Variants in NAA50 observed in about 807,000 individuals in gnomAD.
NAA50 encodes the protein N-alpha-acetyltransferase 50, NatE catalytic subunit.
In NAA50, 7 loss-of-function variants were observed where a neutral mutation model predicts 20.7. The observed-to-expected ratio is 0.34, with a 90% confidence interval of 0.19 to 0.63. NAA50 has a LOEUF of 0.63. Ranked by LOEUF, NAA50 falls within the 30% of genes least tolerant of loss-of-function variation. NAA50 has a pLI of 0.75. For missense variants in NAA50, 111 were observed against 199.1 expected, an observed-to-expected ratio of 0.56 and a Z score of 2.66; for synonymous variants, 54 against 70.6, an observed-to-expected ratio of 0.77 and a Z score of 1.18.
At chr3:113,738,432 A>G (rs1199128487) in intron 1 of NAA50, among the ~76,000 whole-genome samples, 2 of 152,216 alleles carry the variant, frequency 1.3e-5, no homozygotes, top group African/African-American at 4.8e-5. Context: ...AACTACCTCT[A>G]CAATCTATGA....
At chr3:113,735,849 A>G (rs1005600955) in intron 1 of NAA50, among the ~76,000 whole-genome samples, 5 of 152,078 alleles carry the variant, frequency 3.3e-5, no homozygotes, top group Non-Finnish European at 7.4e-5. Context: ...TGCCCAGCTA[A>G]TTTTTGCATT....
rs1255925081 is a variant in NAA50, at chr3:113,723,849, TATAAA to T, written c.145+105_145+109del. 1.4e-5 allele frequency: 18 copies of T among 1,257,848 alleles called. No homozygotes were observed. In the African/African-American group the frequency reaches 2.7e-4, roughly 19 times the overall value. The allele number at this position is 1,257,848 out of a possible 1,614,324, so 77.9% of individuals were successfully genotyped here. On this transcript the variant is annotated intron_variant, in intron 2 of 4. Coordinates refer to ENST00000240922, the MANE Select transcript of NAA50 (RefSeq NM_025146.4). ...CCTAGACCACTCCCATTTCCTCACT[TATAAA>T]ATAAACAAACTAAATTAGTTAACTT... is the stretch of plus-strand genomic sequence containing the variant.
intron 1 of NAA50, among the ~76,000 whole-genome samples, chr3:113,729,422 G>C (rs975559394): frequency 6.6e-6 from 1 of 152,174 alleles, no homozygotes; most frequent in African/African-American, 2.4e-5. Context: ...ATTAGAAAGT[G>C]CACAAATATT....
intron 1 of NAA50, among the ~76,000 whole-genome samples, chr3:113,743,287 G>C (rs138629975): frequency 9.3e-4 from 142 of 152,300 alleles, no homozygotes; most frequent in African/African-American, 3.1e-3. Context: ...TTCGTGTTGG[G>C]ACTTCCGCAG....
rs1324850120 is a variant in NAA50, at chr3:113,720,589, A to G, written c.*1171T>C. The stretch of plus-strand genomic sequence containing the variant: ...CAAGAATAGAAGCAATATGTTTAAT[A>G]ATTACCCCTGCCTCAAATCCTTAAA... On this transcript the variant is annotated 3_prime_UTR_variant, in exon 5 of 5. Transcript: ENST00000240922. 6.6e-6 allele frequency: 1 copy of G among 152,652 alleles called. No homozygotes were observed. Among genetic ancestry groups the G allele is most frequent in the African/African-American group, 2.4e-5 (1 of 41,474 alleles). 9.5% of individuals were successfully genotyped at this position (152,652 alleles called of 1,614,324 possible).
chr3:113,717,546 TAA>T lies in NAA50; in HGVS notation c.*4212_*4213del, dbSNP rs1708072143. The stretch of plus-strand genomic sequence containing the variant: ...ACTTGGCTGTATCATAAACTAGGAC[TAA>T]GTTCCTACAGTTCAGTCTTGCAAGG... On this transcript the variant is annotated 3_prime_UTR_variant, in exon 5 of 5. Transcript: ENST00000240922. 6.6e-6 allele frequency: 1 copy of T among 152,182 alleles called. No individual in the cohort carries two copies. The highest frequency in any genetic ancestry group is 2.4e-5 in the African/African-American group (1 of 41,434). 9.4% of individuals were successfully genotyped at this position (152,182 alleles called of 1,614,324 possible). A position where few individuals can be genotyped will look rare whatever the true frequency, so the allele number is the denominator to read the frequency against.
chr3:113,734,865 C>T (rs751650008), intron 1 of NAA50, among the ~76,000 whole-genome samples: 11 of 152,120 alleles, frequency 7.2e-5, no homozygotes, highest in African/African-American at 1.4e-4. Context: ...TAGTGTCAAA[C>T]GCTTTTAAGG....
At chr3:113,728,562 A>T (rs1248089938) in intron 1 of NAA50, among the ~76,000 whole-genome samples, 1 of 152,248 alleles carries the variant, frequency 6.6e-6, no homozygotes, top group Non-Finnish European at 1.5e-5. Flanking sequence ...TCCGAAAATC[A>T]GTCAGTTTGA....
At chr3:113,745,385 C>T (rs915284546) in intron 1 of NAA50, among the ~76,000 whole-genome samples, 6 of 152,186 alleles carry the variant, frequency 3.9e-5, no homozygotes, top group Admixed American at 3.9e-4. Flanking sequence ...CTCTCTCCCC[C>T]TCCTCCACTC....
intron 1 of NAA50, among the ~76,000 whole-genome samples, chr3:113,725,558 G>A (rs537837207): frequency 4.4e-4 from 67 of 152,194 alleles, no homozygotes; most frequent in African/African-American, 1.5e-3. Context: ...TTGAGCCCTG[G>A]AGTTCAAGAC....
chr3:113,731,616 C>T (rs973129961), intron 1 of NAA50, among the ~76,000 whole-genome samples: 3 of 152,100 alleles, frequency 2.0e-5, no homozygotes, highest in Non-Finnish European at 4.4e-5. Flanking sequence ...TAGGTGCATC[C>T]GCAATCAATC....
intron 1 of NAA50, among the ~76,000 whole-genome samples, chr3:113,726,814 T>C (rs1372841824): frequency 2.6e-5 from 4 of 152,222 alleles, no homozygotes; most frequent in African/African-American, 7.2e-5. Flanking sequence ...TAGAATCCTT[T>C]ATTTTTCTTT....
chr3:113,724,082 G>A lies in NAA50; in HGVS notation c.22C>T (p.Leu8=), dbSNP rs1286834519. 1 of 1,584,014 alleles carries A rather than the reference G, an allele frequency of 6.3e-7. No individual in the cohort carries two copies. The highest frequency in any genetic ancestry group is 8.6e-7 in the Non-Finnish European group (1 of 1,165,270). The change falls in exon 2 of 5, where the codon CTG becomes TTG. Residue 8 remains leucine, a synonymous_variant. Coordinates refer to ENST00000240922, the MANE Select transcript of NAA50 (RefSeq NM_025146.4). MKGSRIE[L]GDVTPHNIKQ... ...ATATTGTGTGGTGTCACATCTCCCA[G>A]CTCGATCCGGCTACTGGAACAAATC... is the stretch of plus-strand genomic sequence containing the variant.
chr3:113,722,778 C>T (rs1708151029), intron 4 of NAA50, 128 bp downstream of exon 4: 4 of 1,137,564 alleles, frequency 3.5e-6, no homozygotes, highest in Non-Finnish European at 4.8e-6. Context: ...TACTCGAATA[C>T]TTTGTAACAA....
Position 113,717,394 on chromosome 3 carries a change from A to G in NAA50, c.*4366T>C, listed in dbSNP as rs887467785. 4 of 152,206 alleles carry G rather than the reference A, an allele frequency of 2.6e-5. No individual in the cohort carries two copies. The highest frequency in any genetic ancestry group is 9.7e-5 in the African/African-American group (4 of 41,444). The allele number at this position is 152,206 out of a possible 1,614,324, so 9.4% of individuals were successfully genotyped here. ...AAGTATCTTAAATTTTGGAGAACTG[A>G]AAAGGTTGAGAATTTCTGCCCCAGT... On this transcript the variant is annotated 3_prime_UTR_variant, in exon 5 of 5. Transcript: ENST00000240922.
In NAA50 at chr3:113,716,584, A is replaced by G. The variant is rs1708052030; in HGVS notation, c.*5176T>C. 6.6e-6 allele frequency: 1 copy of G among 152,242 alleles called. No individual in the cohort carries two copies. Among genetic ancestry groups the G allele is most frequent in the African/African-American group, 2.4e-5 (1 of 41,456 alleles). The allele number at this position is 152,242 out of a possible 1,614,324, so 9.4% of individuals were successfully genotyped here. The stretch of plus-strand genomic sequence containing the variant: ...CAAATGTTTCTCAAAGATAAACTAG[A>G]CAAGTTCAGTATGGACAAAGAAACA... On this transcript the variant is annotated 3_prime_UTR_variant, in exon 5 of 5. Coordinates refer to ENST00000240922, the MANE Select transcript of NAA50 (RefSeq NM_025146.4).
chr3:113,739,070 T>C (rs1462296591), intron 1 of NAA50, among the ~76,000 whole-genome samples: 2 of 152,180 alleles, frequency 1.3e-5, no homozygotes, highest in East Asian at 3.9e-4. Context: ...CTTCACTAAA[T>C]AATCATCAAA....
At chr3:113,741,782 C>A (rs1046849869) in intron 1 of NAA50, among the ~76,000 whole-genome samples, 3 of 152,160 alleles carry the variant, frequency 2.0e-5, no homozygotes, top group Non-Finnish European at 4.4e-5. Context: ...GAGTTGTCTG[C>A]AATTTCAGGA....
Position 113,745,797 on chromosome 3 carries a change from G to C in NAA50, c.8+145C>G, listed in dbSNP as rs151124151. On this transcript the variant is annotated intron_variant, in intron 1 of 4. Coordinates refer to ENST00000240922, the MANE Select transcript of NAA50 (RefSeq NM_025146.4). The stretch of plus-strand genomic sequence containing the variant: ...CGAGCCTCGCCTCCGCCCCCTCCGG[G>C]AGCCGAGGGAACTGAGAAGCAGAGA... The C allele has an allele frequency of 4.0e-6, 4 of 993,296 alleles. No individual in the cohort carries two copies. In the East Asian group the frequency reaches 1.3e-4, roughly 31 times the overall value. The allele number at this position is 993,296 out of a possible 1,614,324, so 61.5% of individuals were successfully genotyped here.
Sources: gnomAD v4.1 joint callset for allele counts (sites outside exome capture counted in the v4.1 genomes callset) on GRCh38, gnomAD v4.1.1 for gene constraint, MANE v1.5 for transcripts, NCBI Gene and HGNC (gene_info 2026-07-23, HGNC 2026-07-21) for gene names.